The following NTRK2 variants were observed in gnomAD, a reference collection of about 807,000 sequenced individuals.
NTRK2 encodes the protein neurotrophic receptor tyrosine kinase 2, also known as BDNF/NT-3 growth factors receptor.
In NTRK2, 13 loss-of-function variants were observed where a neutral mutation model predicts 94.5. That is an observed-to-expected ratio of 0.14 (90% CI 0.09 to 0.22). The LOEUF (loss-of-function observed/expected upper bound fraction) is 0.22. Ranked by LOEUF, NTRK2 falls within the 10% of genes least tolerant of loss-of-function variation. The pLI, the probability that NTRK2 is intolerant of heterozygous loss-of-function variation, is 1.00. For synonymous variants in NTRK2, 372 were observed against 407.4 expected (o/e 0.91, Z 1.05); for missense variants, 639 against 1,071.2 (o/e 0.60, Z 5.63).
chr9:84,750,457 G>A (rs1267786624), intron 11 of NTRK2, among the ~76,000 whole-genome samples: 1 of 152,182 alleles, frequency 6.6e-6, no homozygotes, highest in Non-Finnish European at 1.5e-5. Context: ...TGATTACTAT[G>A]GATAGGGATA....
chr9:84,867,156 C>T (rs2075631804), intron 13 of NTRK2, 87 bp from the exon 14 acceptor site: 9 of 1,316,832 alleles, frequency 6.8e-6, no homozygotes, highest in Non-Finnish European at 8.7e-6. Flanking sequence ...GAATTGTATA[C>T]TTTAAATGGG....
At position 85,021,675 on chromosome 9, in the gene NTRK2, C is replaced by T; in HGVS notation, c.*238C>T. 1.8e-6 allele frequency: 1 copy of T among 545,496 alleles called. No homozygotes were observed. Among genetic ancestry groups the T allele is most frequent in the Non-Finnish European group, 3.2e-6 (1 of 309,078 alleles). The allele number at this position is 545,496 out of a possible 1,614,324, so 33.8% of individuals were successfully genotyped here. On this transcript the variant is annotated 3_prime_UTR_variant, in exon 19 of 19. Coordinates refer to ENST00000277120, the MANE Select transcript of NTRK2 (RefSeq NM_006180.6). ...CTCTTTCCATCTCCCTTGGTTGTTC[C>T]TTTTTCTTTTTTTAAATTTTCTTTT...
intron 17 of NTRK2, among the ~76,000 whole-genome samples, chr9:84,972,923 G>A (rs908138824): frequency 5.9e-5 from 9 of 152,162 alleles, no homozygotes; most frequent in Non-Finnish European, 1.2e-4. Context: ...GAAGCACTCT[G>A]CTTCCAGAAT....
intron 12 of NTRK2, among the ~76,000 whole-genome samples, chr9:84,780,117 C>T (rs2067424240): frequency 1.3e-5 from 2 of 151,732 alleles, no homozygotes; most frequent in Admixed American, 6.6e-5. Context: ...GTCTGAGCTA[C>T]GTGTTAGAGT....
At chr9:84,774,128 G>T (rs973264187) in intron 12 of NTRK2, among the ~76,000 whole-genome samples, 1 of 152,092 alleles carries the variant, frequency 6.6e-6, no homozygotes, top group Non-Finnish European at 1.5e-5. Context: ...TCATTCATTT[G>T]GCAAATGTCA....
rs34335782 is a variant in NTRK2, at chr9:84,674,120, T to TAA, written c.212+3169_212+3170dup. On this transcript the variant is annotated intron_variant, in intron 2 of 18. Coordinates refer to ENST00000277120, the MANE Select transcript of NTRK2 (RefSeq NM_006180.6). ...AAGTCGTGCATTTTTTTAGCTGTGG[T>TAA]AAAAAAAAAATACATAACCTAAAAT... 7.3e-3 allele frequency among the ~76,000 whole-genome samples: 1,094 copies of TAA among 150,486 alleles called. 13 individuals are homozygous for TAA. The highest frequency in any genetic ancestry group is 0.024 in the African/African-American group (983 of 41,140).
At chr9:84,980,738 G>T (rs1827483287) in intron 17 of NTRK2, among the ~76,000 whole-genome samples, 1 of 152,244 alleles carries the variant, frequency 6.6e-6, no homozygotes, top group African/African-American at 2.4e-5. Context: ...GAGGATGAGT[G>T]TGAGAATCAC....
At chr9:84,998,357 C>A (rs1005076336) in intron 17 of NTRK2, among the ~76,000 whole-genome samples, 3 of 152,140 alleles carry the variant, frequency 2.0e-5, no homozygotes, top group Admixed American at 6.5e-5. Flanking sequence ...CAGCTTTGCC[C>A]CTGGGCCAGT....
intron 14 of NTRK2, among the ~76,000 whole-genome samples, chr9:84,898,256 ATCACTTT>A (rs2076819177): frequency 1.3e-5 from 2 of 152,184 alleles, no homozygotes; most frequent in Admixed American, 6.5e-5. Context: ...CCATGGTGCC[ATCACTTT>A]TTCAGAAGTC....
At chr9:84,830,032 C>A (rs774221714) in intron 12 of NTRK2, among the ~76,000 whole-genome samples, 15 of 152,146 alleles carry the variant, frequency 9.9e-5, no homozygotes, top group Non-Finnish European at 1.6e-4. Flanking sequence ...GGGAACACCC[C>A]CTTCTCTCCA....
intron 14 of NTRK2, among the ~76,000 whole-genome samples, chr9:84,881,064 G>A (rs537948577): frequency 8.5e-4 from 129 of 152,320 alleles, no homozygotes; most frequent in African/African-American, 3.0e-3. Context: ...GTGGTTTGGA[G>A]AAACTAATTA....
chr9:84,916,592 C>T (rs1175816461), intron 14 of NTRK2, among the ~76,000 whole-genome samples: 1 of 152,294 alleles, frequency 6.6e-6, no homozygotes, highest in Middle Eastern at 3.4e-3. Context: ...AGATCTAGAG[C>T]AGCACAGTGG....
intron 2 of NTRK2, among the ~76,000 whole-genome samples, chr9:84,674,380 T>C (rs977020607): frequency 1.3e-5 from 2 of 152,384 alleles, no homozygotes; most frequent in Non-Finnish European, 1.5e-5. Flanking sequence ...CAATTTATTG[T>C]TGGCCTGGTT....
chr9:84,668,982 T>C (rs1032888268), upstream of NTRK2, among the ~76,000 whole-genome samples: 2 of 152,110 alleles, frequency 1.3e-5, no homozygotes, highest in Non-Finnish European at 2.9e-5. Context: ...TCCCCTCACA[T>C]GTCTCTATTT....
intron 14 of NTRK2, among the ~76,000 whole-genome samples, chr9:84,914,988 G>T (rs541449357): frequency 1.3e-5 from 2 of 152,254 alleles, no homozygotes; most frequent in Non-Finnish European, 2.9e-5. Flanking sequence ...ATGGTTTTGG[G>T]ATGAAACTGT....
At chr9:84,776,706 C>A (rs545354028) in intron 12 of NTRK2, among the ~76,000 whole-genome samples, 2 of 152,332 alleles carry the variant, frequency 1.3e-5, no homozygotes, top group Admixed American at 6.5e-5. Context: ...TGTATCAATT[C>A]TCTCTTCCAA....
At chr9:84,867,834 A>G (rs377194113) in intron 14 of NTRK2, among the ~76,000 whole-genome samples, 2 of 152,266 alleles carry the variant, frequency 1.3e-5, no homozygotes, top group South Asian at 4.1e-4. Context: ...TGAAATATGC[A>G]CTCTAGGTAG....
chr9:84,955,179 G>T, intron 16 of NTRK2, 104 bp from the exon 17 acceptor site: 1 of 884,764 alleles, frequency 1.1e-6, no homozygotes, highest in Non-Finnish European at 1.8e-6. Context: ...GCTACAGGGT[G>T]GGGGTGAGGA....
chr9:85,022,358 A>C lies in NTRK2; in HGVS notation c.*921A>C. ...ACAAGATGGCGCATAGTGTGCTCGG[A>C]CACAGTTTTGTCTTCGTAGGTTGTG... On this transcript the variant is annotated 3_prime_UTR_variant, in exon 19 of 19. Transcript: ENST00000277120. 1 of 233,244 alleles carries C rather than the reference A, an allele frequency of 4.3e-6. No homozygotes were observed. Among genetic ancestry groups the C allele is most frequent in the Non-Finnish European group, 8.5e-6 (1 of 118,018 alleles). 14.4% of individuals were successfully genotyped at this position (233,244 alleles called of 1,614,324 possible). A position where few individuals can be genotyped will look rare whatever the true frequency, so the allele number is the denominator to read the frequency against.
Sources: allele counts gnomAD v4.1 joint callset (sites outside exome capture counted in the v4.1 genomes callset), GRCh38; gene constraint gnomAD v4.1.1; transcripts MANE v1.5; gene names NCBI Gene and HGNC (gene_info 2026-07-23, HGNC 2026-07-21).